The following NOX4 variants were observed in gnomAD, a reference collection of about 807,000 sequenced individuals.
The protein encoded by NOX4 is kidney oxidase-1.
NOX4 carries 69 observed loss-of-function variants against 87.6 expected under a neutral mutation model. The observed-to-expected ratio is 0.79, with a 90% CI of 0.65 to 0.96. The LOEUF is 0.96. Ranked by LOEUF, NOX4 falls within the 40% of genes least tolerant of loss-of-function variation. The probability of loss-of-function intolerance (pLI) is 0.00; values close to 1 mark genes in which losing one functional copy is unlikely to be tolerated. For synonymous variants in NOX4, 275 were observed against 238.2 expected, an observed-to-expected ratio of 1.15 and a Z score of -1.42; for missense variants, 680 against 681.5, an observed-to-expected ratio of 1.00 and a Z score of 0.02.
chr11:89,407,641 G>A (rs1473030813), intron 8 of NOX4, among the ~76,000 whole-genome samples: 4 of 151,594 alleles, frequency 2.6e-5, no homozygotes, highest in Admixed American at 1.3e-4. Flanking sequence ...TGGTGTTTTT[G>A]TTGTTTGTTT....
intron 12 of NOX4, among the ~76,000 whole-genome samples, chr11:89,358,386 C>CAAAAAAAAAAA (rs10558391): frequency 5.1e-5 from 4 of 78,172 alleles, no homozygotes; most frequent in Non-Finnish European, 7.8e-5. Context: ...AACTTAATCT[C>CAAAAAAAAAAA]AAAAAAAAAA....
rs532019808 is a variant in NOX4 at position 89,451,807 on chromosome 11, G to A, written c.242C>T (p.Ala81Val). The A allele has an allele frequency of 6.2e-7, 1 of 1,612,536 alleles. No homozygotes were observed. Among genetic ancestry groups the A allele is most frequent in the Admixed American group, 1.7e-5 (1 of 59,956 alleles). Reference sequence around the variant, plus strand: ...TACCTTCTGTGATCCTCGGAGGTAAGCCAAGAGTGTTCGGCACATGGGTAA... The same window carrying A: ...TACCTTCTGTGATCCTCGGAGGTAAACCAAGAGTGTTCGGCACATGGGTAA... The part of the protein sequence containing the change: ...ILLPMCRTLL[A>V]YLRGSQKVPS... The change falls in exon 3 of 18, where the codon GCT (alanine) becomes GTT (valine). Residue 81 changes from alanine (A) to valine (V), a missense_variant. Coordinates refer to ENST00000263317, the MANE Select transcript of NOX4 (RefSeq NM_016931.5).
At chr11:89,441,404 G>A (rs767057671) in intron 5 of NOX4, among the ~76,000 whole-genome samples, 4 of 152,082 alleles carry the variant, frequency 2.6e-5, no homozygotes, top group South Asian at 2.1e-4. Flanking sequence ...TTTTATCCCC[G>A]TGGTGCTTAA....
intron 1 of NOX4, 192 bp from the exon 2 acceptor site, chr11:89,490,745 C>T (rs1946817760): frequency 8.6e-6 from 6 of 699,416 alleles, no homozygotes; most frequent in South Asian, 3.0e-5. Context: ...TTTACCCAGC[C>T]CTTTCACCTG....
intron 11 of NOX4, among the ~76,000 whole-genome samples, chr11:89,388,748 A>G (rs1940903281): frequency 6.6e-6 from 1 of 152,168 alleles, no homozygotes; most frequent in African/African-American, 2.4e-5. Flanking sequence ...ATCTGTGGCC[A>G]AAGCTTAGTC....
At chr11:89,391,288 G>T (rs539632228) in intron 11 of NOX4, among the ~76,000 whole-genome samples, 1 of 152,122 alleles carries the variant, frequency 6.6e-6, no homozygotes, top group African/African-American at 2.4e-5. Flanking sequence ...GTCAGTGAAG[G>T]CTCCTCAGCA....
chr11:89,570,105 G>A, the NOX4 span, among the ~76,000 whole-genome samples: 1 of 152,244 alleles, frequency 6.6e-6, no homozygotes, highest in Non-Finnish European at 1.5e-5. Flanking sequence ...AATCAAGGTA[G>A]ACACTCATCA....
At chr11:89,483,461 C>A (rs1946472720) in intron 2 of NOX4, among the ~76,000 whole-genome samples, 1 of 151,896 alleles carries the variant, frequency 6.6e-6, no homozygotes, top group Non-Finnish European at 1.5e-5. Context: ...TGAAAGGAGA[C>A]CTGAAGGACA....
chr11:89,481,655 T>G (rs1474431998), intron 2 of NOX4, among the ~76,000 whole-genome samples: 3 of 152,146 alleles, frequency 2.0e-5, no homozygotes, highest in Non-Finnish European at 4.4e-5. Context: ...ATCAGTTTTA[T>G]GATAAACACA....
intron 8 of NOX4, among the ~76,000 whole-genome samples, chr11:89,407,493 A>AT (rs1942252355): frequency 6.6e-6 from 1 of 152,042 alleles, no homozygotes; most frequent in African/African-American, 2.4e-5. Context: ...GAAATAAAGG[A>AT]TTTTATGGAG....
At chr11:89,405,211 T>C (rs954828845) in intron 8 of NOX4, among the ~76,000 whole-genome samples, 1 of 151,872 alleles carries the variant, frequency 6.6e-6, no homozygotes, top group Non-Finnish European at 1.5e-5. Context: ...GACATAACTC[T>C]ACCATGCTCT....
intron 13 of NOX4, among the ~76,000 whole-genome samples, chr11:89,351,770 A>C (rs1946465627): frequency 6.6e-6 from 1 of 152,196 alleles, no homozygotes; most frequent in Non-Finnish European, 1.5e-5. Context: ...GAGAAAAAAA[A>C]AGAAGATTCT....
intron 13 of NOX4, among the ~76,000 whole-genome samples, chr11:89,342,716 A>C (rs1946058915): frequency 6.6e-6 from 1 of 152,146 alleles, no homozygotes; most frequent in Admixed American, 6.5e-5. Context: ...CATAAGTATA[A>C]AACTTTACTT....
chr11:89,448,395 T>C (rs1188185737), intron 4 of NOX4, among the ~76,000 whole-genome samples: 6 of 152,114 alleles, frequency 3.9e-5, no homozygotes, highest in Non-Finnish European at 7.4e-5. Flanking sequence ...AAGCTCAGGA[T>C]CAAAATGTAT....
the NOX4 span, among the ~76,000 whole-genome samples, chr11:89,586,743 T>G: frequency 6.6e-6 from 1 of 152,274 alleles, no homozygotes; most frequent in South Asian, 2.1e-4. Context: ...TCTTTGCAGA[T>G]AAAACAACAC....
At chr11:89,467,496 C>T (rs1018946466) in intron 2 of NOX4, among the ~76,000 whole-genome samples, 10 of 151,876 alleles carry the variant, frequency 6.6e-5, no homozygotes, top group African/African-American at 2.2e-4. Flanking sequence ...ATTTATTTCT[C>T]TCCATTCCGG....
rs761457352 is a variant in NOX4 at position 89,408,715 on chromosome 11, G to A, written c.630-6173C>T. 4.9e-4 allele frequency among the ~76,000 whole-genome samples: 75 copies of A among 152,296 alleles called. 1 individual carries two copies. Among genetic ancestry groups the A allele is most frequent in the Non-Finnish European group, 1.0e-3 (68 of 68,022 alleles). ...AGCTCTTACTGGTGGGGTGGTCCAA[G>A]CTTACAAGATAGGAATAACATCATG... On this transcript the variant is annotated intron_variant, in intron 8 of 17. Coordinates refer to ENST00000263317, the MANE Select transcript of NOX4 (RefSeq NM_016931.5).
chr11:89,436,925 T>A (rs1034469264), intron 6 of NOX4, among the ~76,000 whole-genome samples: 1 of 152,142 alleles, frequency 6.6e-6, no homozygotes, highest in Non-Finnish European at 1.5e-5. Context: ...ATGTCACTTG[T>A]ATAACCAAAG....
At chr11:89,434,241 T>C (rs1465720247) in intron 6 of NOX4, among the ~76,000 whole-genome samples, 2 of 152,040 alleles carry the variant, frequency 1.3e-5, no homozygotes, top group Non-Finnish European at 2.9e-5. Context: ...GAAATCTCAG[T>C]ACAGTAGAAA....
Sources: gnomAD v4.1 joint callset for allele counts (sites outside exome capture counted in the v4.1 genomes callset) on GRCh38, gnomAD v4.1.1 for gene constraint, MANE v1.5 for transcripts, NCBI Gene and HGNC (gene_info 2026-07-23, HGNC 2026-07-21) for gene names.